The following USH2A variants were observed in gnomAD, a reference collection of about 807,000 sequenced individuals.
USH2A encodes Usher syndrome 2A (autosomal recessive, mild).
A neutral mutation model predicts 538.9 loss-of-function variants in USH2A; 443 were observed. The ratio of observed to expected loss-of-function variants is 0.82; its 90% confidence interval spans 0.76 to 0.89. USH2A has a LOEUF of 0.89. USH2A is among the 40% of genes least tolerant of loss of function. The pLI is 0.00. For synonymous variants in USH2A, 2,413 were observed against 2,273.5 expected (o/e 1.06, Z -1.75); for missense variants, 6,633 against 6,324.8 (o/e 1.05, Z -1.65).
intron 13 of USH2A, among the ~76,000 whole-genome samples, chr1:216,245,970 G>C (rs994410521): frequency 6.6e-6 from 1 of 152,162 alleles, no homozygotes; most frequent in Non-Finnish European, 1.5e-5. Flanking sequence ...TGTAAAGAAG[G>C]TATAGTATTT....
intron 38 of USH2A, among the ~76,000 whole-genome samples, chr1:215,905,966 G>C (rs576622047): frequency 6.6e-6 from 1 of 152,060 alleles, no homozygotes; most frequent in Non-Finnish European, 1.5e-5. Context: ...ATCATTTTCC[G>C]AAATAGCTAC....
intron 38 of USH2A, among the ~76,000 whole-genome samples, chr1:215,930,364 G>A (rs1211152320): frequency 1.3e-5 from 2 of 151,692 alleles, no homozygotes; most frequent in African/African-American, 4.8e-5. Flanking sequence ...GTTCTTTGAT[G>A]TAACAAAGAC....
intron 41 of USH2A, among the ~76,000 whole-genome samples, chr1:215,884,976 A>C (rs1164087504): frequency 6.6e-6 from 1 of 152,188 alleles, no homozygotes; most frequent in Non-Finnish European, 1.5e-5. Flanking sequence ...GGACAGGGGC[A>C]TCAAGGTTTA....
At position 215,799,129 on chromosome 1, in the gene USH2A, T is replaced by G. The variant is rs2102778828; in HGVS notation, c.9740-4A>C. 1 of 1,612,734 alleles carries G rather than the reference T, an allele frequency of 6.2e-7. No individual in the cohort carries two copies. Among genetic ancestry groups the G allele is most frequent in the Non-Finnish European group, 8.5e-7 (1 of 1,179,274 alleles). Reference sequence around the variant, plus strand: ...TCATCTGGACAGCATACTTCACCTGTCAATTTAGGACAATAATAATCATTA... The same window carrying G: ...TCATCTGGACAGCATACTTCACCTGGCAATTTAGGACAATAATAATCATTA... On this transcript the variant is annotated splice_region_variant and splice_polypyrimidine_tract_variant and intron_variant, in intron 49 of 71. Transcript: ENST00000307340.
chr1:215,653,545 A>G (rs1657145378), intron 64 of USH2A, among the ~76,000 whole-genome samples: 1 of 152,234 alleles, frequency 6.6e-6, no homozygotes, highest in Non-Finnish European at 1.5e-5. Context: ...GCTGACTGAG[A>G]TAATGAAGCA....
chr1:215,927,359 A>C (rs942403008), intron 38 of USH2A, among the ~76,000 whole-genome samples: 3 of 152,164 alleles, frequency 2.0e-5, no homozygotes, highest in African/African-American at 7.2e-5. Flanking sequence ...ACTATGCATT[A>C]TGAATATAGT....
intron 62 of USH2A, 121 bp from the exon 63 acceptor site, chr1:215,675,737 A>G (rs973562639): frequency 6.2e-5 from 97 of 1,554,212 alleles, no homozygotes; most frequent in Non-Finnish European, 8.1e-5. Flanking sequence ...ATTTAGAAGA[A>G]GTATTCTGAT....
At chr1:216,016,432 T>C (rs1668713147) in intron 32 of USH2A, among the ~76,000 whole-genome samples, 1 of 152,126 alleles carries the variant, frequency 6.6e-6, no homozygotes. Context: ...ACAAACCACA[T>C]ACTAAACTCA....
At chr1:215,968,820 T>C (rs78345713) in intron 36 of USH2A, among the ~76,000 whole-genome samples, 2,887 of 152,294 alleles carry the variant, frequency 0.019, 83 homozygotes, top group African/African-American at 0.067. Flanking sequence ...GGGCTCTATT[T>C]AGATGAATAT....
chr1:216,036,453 A>G (rs1017010152), intron 32 of USH2A, among the ~76,000 whole-genome samples: 4 of 152,194 alleles, frequency 2.6e-5, no homozygotes, highest in African/African-American at 9.6e-5. Flanking sequence ...ATCCATGTAT[A>G]TGTATCTATG....
intron 58 of USH2A, among the ~76,000 whole-genome samples, chr1:215,755,001 T>G (rs1439083716): frequency 6.6e-6 from 1 of 152,164 alleles, no homozygotes. Context: ...CACAATTAAC[T>G]CTTCTAGTCT....
chr1:215,810,397 A>G (rs1272089673), intron 49 of USH2A, among the ~76,000 whole-genome samples: 1 of 152,204 alleles, frequency 6.6e-6, no homozygotes, highest in Non-Finnish European at 1.5e-5. Flanking sequence ...TACTTATGTT[A>G]GCATTGAGAA....
chr1:215,907,477 T>C lies in USH2A; in HGVS notation c.7301-6572A>G, dbSNP rs116019521. 3.9e-3 allele frequency among the ~76,000 whole-genome samples: 592 copies of C among 152,174 alleles called. 5 individuals carry two copies. The highest frequency in any genetic ancestry group is 0.014 in the African/African-American group (568 of 41,548). ...TCAACCATCTTCTAGCCTTGTTAAC[T>C]GATTTGGATGTGTTCCAGTTTGAGA... On this transcript the variant is annotated intron_variant, in intron 38 of 71. Transcript: ENST00000307340.
At chr1:215,899,988 C>T (rs1665446129) in intron 40 of USH2A, 87 bp downstream of exon 40, 4 of 1,587,458 alleles carry the variant, frequency 2.5e-6, no homozygotes, top group Non-Finnish European at 3.4e-6. Context: ...ATAAGGGAGG[C>T]TCATTTCTTT....
intron 47 of USH2A, 77 bp downstream of exon 47, chr1:215,837,914 G>A (rs1558121166): frequency 2.6e-6 from 3 of 1,175,300 alleles, no homozygotes; most frequent in Non-Finnish European, 2.6e-6. Flanking sequence ...TGTCATGGCT[G>A]AGAGGATACC....
In USH2A at chr1:216,187,597, T is replaced by C. The variant is rs888007627; in HGVS notation, c.4396+2626A>G. On this transcript the variant is annotated intron_variant, in intron 20 of 71. Coordinates refer to ENST00000307340, the MANE Select transcript of USH2A (RefSeq NM_206933.4). Reference sequence around the variant, plus strand: ...AGTTTTAGAACTCTCCATTTTATATTTTATAATAATGTTAGAAAATCAAAG... The same window carrying C: ...AGTTTTAGAACTCTCCATTTTATATCTTATAATAATGTTAGAAAATCAAAG... 2.6e-5 allele frequency among the ~76,000 whole-genome samples: 4 copies of C among 152,004 alleles called. No homozygotes were observed. In the East Asian group the frequency reaches 7.7e-4, roughly 29 times the overall value.
chr1:215,883,522 T>A (rs1428740518), intron 41 of USH2A, among the ~76,000 whole-genome samples: 1 of 152,092 alleles, frequency 6.6e-6, no homozygotes, highest in African/African-American at 2.4e-5. Context: ...TTTCTAAGAT[T>A]TTTACTTTTT....
Position 215,674,736 on chromosome 1 carries a change from C to G in USH2A, c.13175G>C (p.Arg4392Thr). ...QNGKITKYLV[R>T]YDNKESLAGQ... ...AGCAAGGGACTCTTTATTATCATAT[C>G]TAACTAAATATTTAGTAATCTTTCC... is the stretch of plus-strand genomic sequence containing the variant. The change falls in exon 63 of 72, where the codon AGA becomes ACA. Residue 4392 changes from arginine to threonine, a missense_variant. By Grantham distance (71) the Arg-to-Thr change is moderately conservative. Coordinates refer to ENST00000307340, the MANE Select transcript of USH2A (RefSeq NM_206933.4). The G allele has an allele frequency of 6.2e-7, 1 of 1,614,108 alleles. No homozygotes were observed. The highest frequency in any genetic ancestry group is 2.2e-5 in the East Asian group (1 of 44,850).
chr1:215,759,549 A>G (rs1397789223), intron 57 of USH2A, 111 bp downstream of exon 57: 1 of 1,330,908 alleles, frequency 7.5e-7, no homozygotes, highest in African/African-American at 1.5e-5. Flanking sequence ...CCAATGAATG[A>G]GGAAGTTAAT....
Sources: allele counts gnomAD v4.1 joint callset (sites outside exome capture counted in the v4.1 genomes callset), GRCh38; gene constraint gnomAD v4.1.1; transcripts MANE v1.5; gene names NCBI Gene and HGNC (gene_info 2026-07-23, HGNC 2026-07-21).